LMAN2L: variants seen among roughly 807,000 people sequenced by gnomAD.
LMAN2L encodes the protein lectin, mannose binding 2 like, also known as VIP36-like protein.
LMAN2L carries 30 observed loss-of-function variants against 44.3 expected under a neutral mutation model. That is an observed-to-expected ratio of 0.68 (90% confidence interval 0.51 to 0.92). The LOEUF (loss-of-function observed/expected upper bound fraction) is 0.92. LMAN2L is among the 40% of genes least tolerant of loss of function. The pLI, the probability that LMAN2L is intolerant of heterozygous loss-of-function variation, is 0.00. For synonymous variants in LMAN2L, 183 were observed against 171.1 expected, an observed-to-expected ratio of 1.07 and a Z score of -0.54; for missense variants, 429 against 446.1, an observed-to-expected ratio of 0.96 and a Z score of 0.35.
chr2:96,732,489 CAA>C (rs2078422489), intron 4 of LMAN2L, among the ~76,000 whole-genome samples: 1 of 151,812 alleles, frequency 6.6e-6, no homozygotes, highest in African/African-American at 2.4e-5. Context: ...ACTAAAAATA[CAA>C]AAGTTAGCTG....
In LMAN2L at chr2:96,707,179, G is replaced by C. The variant is rs909924789; in HGVS notation, c.*77C>G. On this transcript the variant is annotated 3_prime_UTR_variant, in exon 8 of 8. Coordinates refer to ENST00000264963, the MANE Select transcript of LMAN2L (RefSeq NM_030805.4). Reference sequence around the variant, plus strand: ...TGCTAGAGACAAGAACACTCTCCAGGCTGCATGCTCAGGCCAGTGCCTGCT... The same window carrying C: ...TGCTAGAGACAAGAACACTCTCCAGCCTGCATGCTCAGGCCAGTGCCTGCT... 7.1e-7 allele frequency: 1 copy of C among 1,400,154 alleles called. No homozygotes were observed. The highest frequency in any genetic ancestry group is 2.0e-5 in the Admixed American group (1 of 51,232). The allele number at this position is 1,400,154 out of a possible 1,614,324, so 86.7% of individuals were successfully genotyped here. A position where few individuals can be genotyped will look rare whatever the true frequency, so the allele number is the denominator to read the frequency against.
At chr2:96,734,560 G>T in intron 2 of LMAN2L, 34 bp from the exon 3 acceptor site, 2 of 1,359,856 alleles carry the variant, frequency 1.5e-6, no homozygotes, top group Non-Finnish European at 2.1e-6. Context: ...TCAATGAGGA[G>T]CATGAAATGC....
intron 6 of LMAN2L, 104 bp from the exon 7 acceptor site, chr2:96,707,937 G>T: frequency 8.4e-7 from 1 of 1,186,836 alleles, no homozygotes; most frequent in Non-Finnish European, 1.2e-6. Context: ...CTAACCAGCA[G>T]TGACCTTGAA....
chr2:96,711,804 C>T (rs2077925592), intron 5 of LMAN2L, 34 bp from the exon 6 acceptor site: 1 of 1,612,810 alleles, frequency 6.2e-7, no homozygotes, highest in African/African-American at 1.3e-5. Flanking sequence ...CAGGGTCAGG[C>T]CATGGGAGCA....
intron 4 of LMAN2L, among the ~76,000 whole-genome samples, chr2:96,719,017 CAGG>C (rs1423884592): frequency 6.6e-6 from 1 of 152,154 alleles, no homozygotes; most frequent in Non-Finnish European, 1.5e-5. Flanking sequence ...ACTCCAAAAT[CAGG>C]AGACTAAATT....
Position 96,737,199 on chromosome 2 carries a change from C to T in LMAN2L, c.306+750G>A, listed in dbSNP as rs574525057. 381 of 452,868 alleles carry T rather than the reference C, an allele frequency of 8.4e-4. 1 individual carries two copies. Among genetic ancestry groups the T allele is most frequent in the Non-Finnish European group, 1.3e-3 (291 of 225,998 alleles). The allele number at this position is 452,868 out of a possible 1,614,324, so 28.1% of individuals were successfully genotyped here. ...CTGCATTCACTTCTTGTCGCCATAC[C>T]TCAAGGAAGACAATGCAGCTAGAAA... On this transcript the variant is annotated intron_variant, in intron 2 of 7. Coordinates refer to ENST00000264963, the MANE Select transcript of LMAN2L (RefSeq NM_030805.4).
At chr2:96,731,932 C>T (rs1203279316) in intron 4 of LMAN2L, among the ~76,000 whole-genome samples, 1 of 151,836 alleles carries the variant, frequency 6.6e-6, no homozygotes, top group African/African-American at 2.4e-5. Flanking sequence ...ACTGCAACCT[C>T]CACCTCCCAG....
At chr2:96,717,187 A>G (rs1050829442) in intron 4 of LMAN2L, among the ~76,000 whole-genome samples, 5 of 152,088 alleles carry the variant, frequency 3.3e-5, no homozygotes, top group African/African-American at 1.2e-4. Context: ...AAGACACACA[A>G]GCACAAACAT....
chr2:96,709,485 C>G (rs2077865130), intron 6 of LMAN2L, among the ~76,000 whole-genome samples: 1 of 152,194 alleles, frequency 6.6e-6, no homozygotes, highest in Non-Finnish European at 1.5e-5. Flanking sequence ...AGGTTGGTTA[C>G]TGACTGGGGC....
chr2:96,733,740 A>T, intron 3 of LMAN2L, 139 bp from the exon 4 acceptor site: 1 of 670,706 alleles, frequency 1.5e-6, no homozygotes, highest in Non-Finnish European at 2.6e-6. Flanking sequence ...ACATGTTTAA[A>T]AGTACCCAGC....
In LMAN2L at chr2:96,740,054, G is replaced by A. The variant is rs760116179; in HGVS notation, c.-14C>T. 5 of 1,596,936 alleles carry A rather than the reference G, an allele frequency of 3.1e-6. No individual in the cohort carries two copies. The Admixed American group carries it at 5.1e-5, about 16-fold the overall frequency. On this transcript the variant is annotated 5_prime_UTR_variant, in exon 1 of 8. Transcript: ENST00000264963. ...AGTCGCCGCCATCTTTCCCACCAAC[G>A]ACCCTTCATCAAAAGCCCGCCCCGT...
Position 96,711,962 on chromosome 2 carries a change from C to G in LMAN2L, c.571G>C (p.Asp191His). The change falls in exon 5 of 8, where the codon GAT becomes CAT. Residue 191 changes from aspartate (D) to histidine (H), a missense_variant. Coordinates refer to ENST00000264963, the MANE Select transcript of LMAN2L (RefSeq NM_030805.4). ...NGSLSYDHER[D>H]GRPTELGGCT... Reference sequence around the variant, plus strand: ...CCTCCCAGCTCTGTAGGCCGCCCATCCCGCTCATGATCATAGCTGAGGGAG... The same window carrying G: ...CCTCCCAGCTCTGTAGGCCGCCCATGCCGCTCATGATCATAGCTGAGGGAG... The G allele has an allele frequency of 6.2e-7, 1 of 1,614,202 alleles. No individual in the cohort carries two copies. Among genetic ancestry groups the G allele is most frequent in the Non-Finnish European group, 8.5e-7 (1 of 1,180,044 alleles).
chr2:96,713,688 T>C (rs2077977014), intron 4 of LMAN2L, among the ~76,000 whole-genome samples: 1 of 152,214 alleles, frequency 6.6e-6, no homozygotes, highest in Admixed American at 6.5e-5. Flanking sequence ...ACTATGAAAC[T>C]AACTCTAATC....
At chr2:96,729,028 T>C (rs779794706) in intron 4 of LMAN2L, among the ~76,000 whole-genome samples, 4 of 151,094 alleles carry the variant, frequency 2.6e-5, no homozygotes, top group South Asian at 2.1e-4. Flanking sequence ...AAAAATTAGC[T>C]GGGCGTGGTG....
intron 4 of LMAN2L, among the ~76,000 whole-genome samples, chr2:96,720,511 C>A (rs2078128943): frequency 6.7e-6 from 1 of 149,874 alleles, no homozygotes. Flanking sequence ...GAGATGAGGA[C>A]TTGCTATGTT....
At chr2:96,713,567 G>C (rs576645782) in intron 4 of LMAN2L, among the ~76,000 whole-genome samples, 1 of 152,268 alleles carries the variant, frequency 6.6e-6, no homozygotes, top group Non-Finnish European at 1.5e-5. Flanking sequence ...TATAGCAAGG[G>C]GAAAGAGGAG....
At chr2:96,739,632 G>A (rs1422670452) in intron 1 of LMAN2L, among the ~76,000 whole-genome samples, 1 of 152,042 alleles carries the variant, frequency 6.6e-6, no homozygotes, top group African/African-American at 2.4e-5. Context: ...GCACCCGACA[G>A]CCCTGCCTTT....
intron 4 of LMAN2L, among the ~76,000 whole-genome samples, chr2:96,722,743 G>A (rs996609209): frequency 1.1e-4 from 17 of 152,122 alleles, no homozygotes; most frequent in African/African-American, 2.2e-4. Flanking sequence ...TGTGTAGGCC[G>A]GGTGCAGTGG....
intron 4 of LMAN2L, among the ~76,000 whole-genome samples, chr2:96,715,044 T>C (rs934154739): frequency 4.6e-5 from 7 of 152,210 alleles, no homozygotes; most frequent in Non-Finnish European, 1.0e-4. Context: ...GTTCAAGCAA[T>C]TCTCCTGCCT....
Sources: gnomAD v4.1 joint callset for allele counts (sites outside exome capture counted in the v4.1 genomes callset) on GRCh38, gnomAD v4.1.1 for gene constraint, MANE v1.5 for transcripts, NCBI Gene and HGNC (gene_info 2026-07-23, HGNC 2026-07-21) for gene names.